Variants in DRC11 observed in about 807,000 individuals in gnomAD.
DRC11 encodes the protein IQ and AAA domain-containing protein 1.
chr2:236,459,568 T>TATAC, the DRC11 span, among the ~76,000 whole-genome samples: 7 of 131,132 alleles, frequency 5.3e-5, no homozygotes, highest in Admixed American at 1.5e-4. Flanking sequence ...TACGTATATA[T>TATAC]GTGTATACAT....
At chr2:236,341,876 C>A in the DRC11 span, among the ~76,000 whole-genome samples, 2 of 152,236 alleles carry the variant, frequency 1.3e-5, no homozygotes, top group African/African-American at 2.4e-5. Context: ...ATGCCTTCCT[C>A]TCAGGGTTGC....
chr2:236,358,025 T>C, the DRC11 span, among the ~76,000 whole-genome samples: 1 of 117,504 alleles, frequency 8.5e-6, no homozygotes, highest in Non-Finnish European at 1.6e-5. Context: ...ATAGATATAA[T>C]ATGAATATAT....
chr2:236,482,514 G>A, the DRC11 span, among the ~76,000 whole-genome samples: 1 of 152,140 alleles, frequency 6.6e-6, no homozygotes, highest in African/African-American at 2.4e-5. The surrounding 1 kb of genome is among the most constrained non-coding windows in gnomAD (Gnocchi z 4.5). Context: ...TTAAGAATGA[G>A]CATCTCATCA....
chr2:236,405,748 A>G, the DRC11 span, among the ~76,000 whole-genome samples: 2 of 152,320 alleles, frequency 1.3e-5, no homozygotes, highest in East Asian at 3.9e-4. The surrounding 1 kb of genome is among the most constrained non-coding windows in gnomAD (Gnocchi z 4.6). Flanking sequence ...GAAGCCTCGG[A>G]TCGTACCAAC....
chr2:236,457,949 G>A, the DRC11 span, among the ~76,000 whole-genome samples: 3 of 152,156 alleles, frequency 2.0e-5, no homozygotes, highest in Non-Finnish European at 4.4e-5. This position sits in a 1 kb window ranked among gnomAD's most constrained non-coding sequence, Gnocchi z 4.7. Context: ...ACCAATAATA[G>A]GGTTAAATTA....
At chr2:236,399,138 C>T in the DRC11 span, among the ~76,000 whole-genome samples, 6 of 152,022 alleles carry the variant, frequency 3.9e-5, no homozygotes, top group Non-Finnish European at 5.9e-5. The surrounding 1 kb of genome is among the most constrained non-coding windows in gnomAD (Gnocchi z 7.0). Flanking sequence ...TACAGGCTCC[C>T]GCTGTTACGC....
the DRC11 span, among the ~76,000 whole-genome samples, chr2:236,441,908 G>A: frequency 6.6e-6 from 1 of 152,112 alleles, no homozygotes; most frequent in African/African-American, 2.4e-5. Context: ...GTTTTTGCTA[G>A]ATGACTTACA....
the DRC11 span, among the ~76,000 whole-genome samples, chr2:236,315,352 A>G: frequency 6.6e-6 from 1 of 152,192 alleles, no homozygotes; most frequent in Non-Finnish European, 1.5e-5. This position sits in a 1 kb window ranked among gnomAD's most constrained non-coding sequence, Gnocchi z 5.1. Context: ...GATAAGTGAA[A>G]CAATAAAGCT....
the DRC11 span, among the ~76,000 whole-genome samples, chr2:236,429,556 G>T: frequency 6.6e-6 from 1 of 152,182 alleles, no homozygotes; most frequent in Non-Finnish European, 1.5e-5. The surrounding 1 kb of genome is among the most constrained non-coding windows in gnomAD (Gnocchi z 5.9). Context: ...GGTGCATGCA[G>T]TGGTGGGGTT....
At chr2:236,306,911 T>TAA in the DRC11 span, among the ~76,000 whole-genome samples, 1 of 152,152 alleles carries the variant, frequency 6.6e-6, no homozygotes, top group Admixed American at 6.5e-5. The surrounding 1 kb of genome is among the most constrained non-coding windows in gnomAD (Gnocchi z 5.9). Context: ...TCACAGAGGC[T>TAA]AAAAGAGGTT....
At chr2:236,475,120 A>C in the DRC11 span, among the ~76,000 whole-genome samples, 6 of 151,832 alleles carry the variant, frequency 4.0e-5, no homozygotes, top group African/African-American at 1.5e-4. The surrounding 1 kb of genome is among the most constrained non-coding windows in gnomAD (Gnocchi z 4.8). Context: ...ATCTCTCTTC[A>C]TTTCCCCTCA....
At chr2:236,426,514 C>T in the DRC11 span, among the ~76,000 whole-genome samples, 1 of 150,150 alleles carries the variant, frequency 6.7e-6, no homozygotes, top group African/African-American at 2.5e-5. This position sits in a 1 kb window ranked among gnomAD's most constrained non-coding sequence, Gnocchi z 4.1. Context: ...TAAATTTGTT[C>T]GTCAGTTCTA....
chr2:236,312,707 A>G, the DRC11 span, among the ~76,000 whole-genome samples: 22 of 152,206 alleles, frequency 1.4e-4, no homozygotes, highest in African/African-American at 5.1e-4. Flanking sequence ...AAGAGTAGAA[A>G]TTAATAAAGT....
chr2:236,507,362 G>T, the DRC11 span: 1 of 1,327,998 alleles, frequency 7.5e-7, no homozygotes, highest in Non-Finnish European at 1.1e-6. Context: ...ACTACCAGGA[G>T]CTACAGAGGA....
chr2:236,459,540 CGTAT>C, the DRC11 span, among the ~76,000 whole-genome samples: 1 of 73,862 alleles, frequency 1.4e-5, no homozygotes, highest in Non-Finnish European at 2.9e-5. Context: ...TATACGTATA[CGTAT>C]ACGTATACAT....
At chr2:236,338,232 G>A in the DRC11 span, 1 of 1,613,912 alleles carries the variant, frequency 6.2e-7, no homozygotes. Flanking sequence ...TCTGGTCTGG[G>A]CACCAAAATA....
the DRC11 span, chr2:236,331,261 G>T: frequency 1.1e-6 from 1 of 882,386 alleles, no homozygotes; most frequent in Non-Finnish European, 1.9e-6. This position sits in a 1 kb window ranked among gnomAD's most constrained non-coding sequence, Gnocchi z 4.8. Context: ...ACTGTATATG[G>T]CCGAGTTCCA....
the DRC11 span, among the ~76,000 whole-genome samples, chr2:236,463,859 C>T: frequency 5.9e-5 from 9 of 152,178 alleles, no homozygotes; most frequent in East Asian, 5.8e-4. This position sits in a 1 kb window ranked among gnomAD's most constrained non-coding sequence, Gnocchi z 5.0. Flanking sequence ...AAAGTGCTGG[C>T]GAAGACTGTG....
the DRC11 span, among the ~76,000 whole-genome samples, chr2:236,453,891 C>T: frequency 9.2e-5 from 14 of 152,314 alleles, no homozygotes; most frequent in East Asian, 2.1e-3. The surrounding 1 kb of genome is among the most constrained non-coding windows in gnomAD (Gnocchi z 4.9). Context: ...ATCCACCCGT[C>T]TTGGCCTCCC....
Sources: gnomAD v4.1 joint callset for allele counts (sites outside exome capture counted in the v4.1 genomes callset) on GRCh38, gnomAD v4.1.1 for gene constraint, Gnocchi (gnomAD v3.1) non-coding constraint, MANE v1.5 for transcripts, NCBI Gene and HGNC (gene_info 2026-07-23, HGNC 2026-07-21) for gene names.